Variants in UNC5D observed in about 807,000 individuals in gnomAD.
The protein encoded by UNC5D is netrin receptor UNC5D.
In UNC5D, 39 loss-of-function variants were observed where a neutral mutation model predicts 105.4. The observed-to-expected ratio is 0.37, with a 90% CI of 0.29 to 0.48. UNC5D has a LOEUF of 0.48. Ranked by LOEUF, UNC5D falls within the 20% of genes least tolerant of loss-of-function variation. The probability of loss-of-function intolerance (pLI) is 0.98; values close to 1 mark genes in which losing one functional copy is unlikely to be tolerated. For missense variants in UNC5D, 991 were observed against 1,202.4 expected, an observed-to-expected ratio of 0.82 and a Z score of 2.60; for synonymous variants, 452 against 450.4, an observed-to-expected ratio of 1.00 and a Z score of -0.04.
At chr8:35,748,804 G>A (rs1830124495) in intron 12 of UNC5D, 109 bp downstream of exon 12, 1 of 1,301,264 alleles carries the variant, frequency 7.7e-7, no homozygotes, top group Non-Finnish European at 1.0e-6. Flanking sequence ...TGTTGGCAAA[G>A]GGTTGGTGGC....
At chr8:35,429,225 A>G (rs953340186) in intron 1 of UNC5D, among the ~76,000 whole-genome samples, 4 of 152,184 alleles carry the variant, frequency 2.6e-5, no homozygotes, top group African/African-American at 9.6e-5. Context: ...CCTGTGGGTT[A>G]GTCTTTTTAA....
intron 1 of UNC5D, among the ~76,000 whole-genome samples, chr8:35,249,199 T>C (rs1353638909): frequency 6.9e-6 from 1 of 144,666 alleles, no homozygotes; most frequent in Admixed American, 7.4e-5. Flanking sequence ...TTGGCAGTAA[T>C]ATGTCCATGA....
At chr8:35,607,106 G>A (rs984988914) in intron 4 of UNC5D, among the ~76,000 whole-genome samples, 7 of 152,204 alleles carry the variant, frequency 4.6e-5, no homozygotes, top group Non-Finnish European at 7.3e-5. Context: ...CTTTTCAGCT[G>A]TAACCACAAG....
chr8:35,387,276 T>G (rs1350742637), intron 1 of UNC5D, among the ~76,000 whole-genome samples: 1 of 148,742 alleles, frequency 6.7e-6, no homozygotes, highest in Non-Finnish European at 1.5e-5. Flanking sequence ...GGCAGGAGAA[T>G]GGCGTGAACC....
At chr8:35,303,126 T>A (rs1808084040) in intron 1 of UNC5D, among the ~76,000 whole-genome samples, 1 of 152,112 alleles carries the variant, frequency 6.6e-6, no homozygotes, top group Admixed American at 6.6e-5. Flanking sequence ...TTTTCTTTTT[T>A]TAATATACTA....
intron 4 of UNC5D, among the ~76,000 whole-genome samples, chr8:35,617,376 A>T (rs1821095124): frequency 6.6e-6 from 1 of 152,160 alleles, no homozygotes; most frequent in Admixed American, 6.5e-5. Context: ...ACAGGTAGAG[A>T]CCTGCAGAAT....
intron 15 of UNC5D, among the ~76,000 whole-genome samples, chr8:35,767,313 A>G (rs1245243897): frequency 6.6e-6 from 1 of 152,142 alleles, no homozygotes; most frequent in East Asian, 1.9e-4. Flanking sequence ...TGGGGAAGGA[A>G]CTGGTACCAG....
intron 1 of UNC5D, among the ~76,000 whole-genome samples, chr8:35,341,964 G>C (rs912421052): frequency 1.3e-5 from 2 of 152,194 alleles, no homozygotes; most frequent in Admixed American, 6.5e-5. Flanking sequence ...ATGCTTCACA[G>C]TATCAACACC....
At chr8:35,455,924 A>G (rs1808459816) in intron 1 of UNC5D, among the ~76,000 whole-genome samples, 1 of 152,118 alleles carries the variant, frequency 6.6e-6, no homozygotes, top group African/African-American at 2.4e-5. Flanking sequence ...GAATTATGGG[A>G]GCTATAATTC....
intron 1 of UNC5D, among the ~76,000 whole-genome samples, chr8:35,354,791 T>C (rs1801456464): frequency 6.6e-6 from 1 of 152,120 alleles, no homozygotes; most frequent in African/African-American, 2.4e-5. Flanking sequence ...AGGGCACAGC[T>C]GGATGGTTTG....
intron 3 of UNC5D, among the ~76,000 whole-genome samples, chr8:35,571,328 G>C (rs1311652142): frequency 6.6e-6 from 1 of 152,154 alleles, no homozygotes; most frequent in Non-Finnish European, 1.5e-5. Flanking sequence ...TATTATTAAA[G>C]CCTAAATTAT....
At chr8:35,551,827 GA>G (rs1816168502) in intron 2 of UNC5D, among the ~76,000 whole-genome samples, 1 of 148,626 alleles carries the variant, frequency 6.7e-6, no homozygotes, top group African/African-American at 2.5e-5. Context: ...AAAAAAAAAA[GA>G]AAAAAAGGAA....
chr8:35,712,607 A>C (rs759863944), intron 8 of UNC5D, among the ~76,000 whole-genome samples: 1 of 152,170 alleles, frequency 6.6e-6, no homozygotes, highest in East Asian at 1.9e-4. Flanking sequence ...TCCATTCTGC[A>C]CCTTTCCCCA....
At position 35,631,341 on chromosome 8, in the gene UNC5D, C is replaced by T. The variant is rs146468386; in HGVS notation, c.570+35684C>T. Among the ~76,000 whole-genome samples the T allele has an allele frequency of 2.4e-3, 361 of 151,832 alleles. 3 individuals are homozygous for T. The highest frequency in any genetic ancestry group is 7.8e-3 in the African/African-American group (324 of 41,414). On this transcript the variant is annotated intron_variant, in intron 4 of 16. Transcript: ENST00000404895. Reference sequence around the variant, plus strand: ...AAAAAAAAAAAATCATTTGGCCTGACTGCTTTGTTTTATAGAAGGCATGAA... The same window carrying T: ...AAAAAAAAAAAATCATTTGGCCTGATTGCTTTGTTTTATAGAAGGCATGAA...
At chr8:35,369,982 C>G (rs1374019462) in intron 1 of UNC5D, among the ~76,000 whole-genome samples, 1 of 152,128 alleles carries the variant, frequency 6.6e-6, no homozygotes, top group Non-Finnish European at 1.5e-5. Context: ...TTCTTTCCCA[C>G]TCTTGGAAGT....
chr8:35,241,435 A>T (rs1422029949), intron 1 of UNC5D, among the ~76,000 whole-genome samples: 1 of 151,354 alleles, frequency 6.6e-6, no homozygotes, highest in Non-Finnish European at 1.5e-5. Flanking sequence ...CCCTACCACC[A>T]CTCCCCCCAC....
intron 15 of UNC5D, 48 bp from the exon 16 acceptor site, chr8:35,774,251 G>A: frequency 6.2e-7 from 1 of 1,605,110 alleles, no homozygotes. Context: ...TGTTGGTCAG[G>A]ACTGCTTTCA....
intron 16 of UNC5D, among the ~76,000 whole-genome samples, chr8:35,783,135 C>T (rs1374987801): frequency 2.0e-5 from 3 of 150,200 alleles, no homozygotes; most frequent in Non-Finnish European, 4.4e-5. Context: ...AGAGTGAGAC[C>T]CTATCTTGGA....
At chr8:35,703,776 A>G (rs937666185) in intron 7 of UNC5D, among the ~76,000 whole-genome samples, 2 of 152,218 alleles carry the variant, frequency 1.3e-5, no homozygotes, top group Non-Finnish European at 2.9e-5. Flanking sequence ...AGAGTTCTAA[A>G]CAGATGTTCT....
Sources: allele counts gnomAD v4.1 joint callset (sites outside exome capture counted in the v4.1 genomes callset), GRCh38; gene constraint gnomAD v4.1.1; transcripts MANE v1.5; gene names NCBI Gene and HGNC (gene_info 2026-07-23, HGNC 2026-07-21).